The following SYNE1 variants were observed in gnomAD, a reference collection of about 807,000 sequenced individuals.
SYNE1 encodes spectrin repeat containing nuclear envelope protein 1, also known as nesprin-1.
Under a neutral mutation model 1,111.0 loss-of-function variants are expected in SYNE1, and 616 were observed. That is an observed-to-expected ratio of 0.55 (90% CI 0.52 to 0.59). The LOEUF is 0.59. Ranked by LOEUF, SYNE1 falls within the 20% of genes least tolerant of loss-of-function variation. SYNE1 has a pLI of 0.00. For synonymous variants in SYNE1, 3,855 were observed against 3,825.8 expected (o/e 1.01, Z -0.28); for missense variants, 10,006 against 10,417.0 (o/e 0.96, Z 1.72).
chr6:152,590,369 T>TC (rs1222275764), intron 3 of SYNE1, among the ~76,000 whole-genome samples: 1 of 151,792 alleles, frequency 6.6e-6, no homozygotes, highest in Non-Finnish European at 1.5e-5. Context: ...AAATCCATTT[T>TC]TTTTTCTGGA....
intron 45 of SYNE1, among the ~76,000 whole-genome samples, chr6:152,406,543 A>G (rs890788100): frequency 2.0e-5 from 3 of 152,132 alleles, no homozygotes; most frequent in Non-Finnish European, 4.4e-5. Context: ...AAGATAGTTA[A>G]GAGTTCTCTA....
Position 152,404,104 on chromosome 6 carries a change from G to GATAGATAT in SYNE1, c.6825+108_6825+109insATATCTAT, listed in dbSNP as rs1554635405. On this transcript the variant is annotated intron_variant, in intron 46 of 145. Transcript: ENST00000367255. ...ATATATACGAGATATAGATATATGAGATATATATATATACACACACACACA... is the reference window on the plus strand; with the variant it reads ...ATATATACGAGATATAGATATATGAGATAGATATATATATATATATACACACACACACA... 7 of 544,900 alleles carry GATAGATAT rather than the reference G, an allele frequency of 1.3e-5. No homozygotes were observed. In the East Asian group the frequency reaches 1.5e-4, roughly 11 times the overall value. The allele number at this position is 544,900 out of a possible 1,614,324, so 33.8% of individuals were successfully genotyped here.
At chr6:152,486,636 C>T (rs1327584827) in intron 12 of SYNE1, among the ~76,000 whole-genome samples, 1 of 152,174 alleles carries the variant, frequency 6.6e-6, no homozygotes, top group Non-Finnish European at 1.5e-5. Context: ...CTGGCTTAAT[C>T]ATTTTTTAAT....
chr6:152,619,034 T>C (rs1182228561), intron 3 of SYNE1, among the ~76,000 whole-genome samples: 1 of 123,484 alleles, frequency 8.1e-6, no homozygotes, highest in Non-Finnish European at 1.7e-5. Context: ...ACTAGGTATT[T>C]AGGTGTGAGA....
chr6:152,515,814 T>TGTGA (rs2099108702), intron 6 of SYNE1, among the ~76,000 whole-genome samples: 1 of 152,194 alleles, frequency 6.6e-6, no homozygotes, highest in African/African-American at 2.4e-5. Context: ...GATGAATCTG[T>TGTGA]TCACCACAGT....
At chr6:152,512,133 C>G (rs756218772) in intron 6 of SYNE1, among the ~76,000 whole-genome samples, 9 of 152,112 alleles carry the variant, frequency 5.9e-5, no homozygotes, top group Non-Finnish European at 1.2e-4. Context: ...TTCACAAATA[C>G]TTTACTCTTG....
chr6:152,294,507 T>C (rs1246520190), intron 93 of SYNE1, among the ~76,000 whole-genome samples: 2 of 152,220 alleles, frequency 1.3e-5, no homozygotes, highest in African/African-American at 4.8e-5. Flanking sequence ...TGTTGTCGAA[T>C]GTATTCATTA....
chr6:152,580,642 A>G (rs2099516185), intron 3 of SYNE1, among the ~76,000 whole-genome samples: 1 of 152,124 alleles, frequency 6.6e-6, no homozygotes, highest in South Asian at 2.1e-4. Flanking sequence ...TTATAGTTTT[A>G]GATTTTACCT....
Position 152,427,706 on chromosome 6 carries a change from A to G in SYNE1, c.5087T>C (p.Leu1696Pro). The change falls in exon 38 of 146, where the codon CTT (leucine) becomes CCT (proline). Residue 1696 changes from leucine to proline, a missense_variant. Transcript: ENST00000367255. ...CCTTGAACTTGCCTGTATTAACTGA[A>G]GTTCACCTTCCACTTTGACTCTGTC... ...SADRVKVEGE[L>P]QLIQALQNEV... 1 of 1,614,122 alleles carries G rather than the reference A, an allele frequency of 6.2e-7. No individual in the cohort carries two copies. The highest frequency in any genetic ancestry group is 1.1e-5 in the South Asian group (1 of 91,084).
chr6:152,454,066 C>T (rs915240836), intron 24 of SYNE1, among the ~76,000 whole-genome samples: 3 of 152,164 alleles, frequency 2.0e-5, no homozygotes, highest in Non-Finnish European at 4.4e-5. Flanking sequence ...TTGGTGAAGT[C>T]AGAAGAACAG....
intron 42 of SYNE1, among the ~76,000 whole-genome samples, chr6:152,410,991 G>T (rs2098025295): frequency 6.6e-6 from 1 of 152,052 alleles, no homozygotes; most frequent in South Asian, 2.1e-4. Flanking sequence ...TTAATAATAT[G>T]GAATAAAGTT....
In SYNE1 at chr6:152,391,494, C is replaced by A. The variant is rs1252134300; in HGVS notation, c.7787G>T (p.Arg2596Leu). 7 of 1,612,630 alleles carry A rather than the reference C, an allele frequency of 4.3e-6. No homozygotes were observed. The highest frequency in any genetic ancestry group is 5.9e-6 in the Non-Finnish European group (7 of 1,179,830). Residue 2596 changes from arginine (R) to leucine (L), a missense_variant, in exon 52 of 146, where the codon CGC (arginine) becomes CTC (leucine). By Grantham distance (102) the Arg-to-Leu change is moderately radical. This residue lies in a region of SYNE1 where 4,955 missense variants were observed against 5,017.2 expected (regional missense o/e 0.99). Transcript: ENST00000367255. ...EEGHGAGQEG[R>L]LCSQLLTSHQ... ...GCTTGTGAGGAGCTGGGAACACAGG[C>A]GGCCCTCCTGCCCAGCACCGTGGCC...
intron 3 of SYNE1, among the ~76,000 whole-genome samples, chr6:152,610,367 G>A (rs565024669): frequency 3.7e-4 from 57 of 152,112 alleles, no homozygotes; most frequent in Non-Finnish European, 6.9e-4. Flanking sequence ...TTCAATAGCC[G>A]ATTCGATCAA....
At position 152,278,157 on chromosome 6, in the gene SYNE1, G is replaced by T; in HGVS notation, c.18505C>A (p.Leu6169Met). Residue 6169 changes from leucine (L) to methionine (M), a missense_variant, in exon 98 of 146, where the codon CTG becomes ATG. Leu to Met is a conservative substitution (Grantham distance 15). This residue lies in a region of SYNE1 where 2,182 missense variants were observed against 2,287.8 expected (regional missense o/e 0.95). Transcript: ENST00000367255. ...KDEAEQLAGK[L>M]RRLKGSLLEL... is the part of the protein sequence containing the mutation. ...AGCAGGCTCCCCTTGAGCCTTCTCA[G>T]CTTTCCAGCCAGCTGCTCGGCCTCG... 2.5e-6 allele frequency: 4 copies of T among 1,614,110 alleles called. No homozygotes were observed. Among genetic ancestry groups the T allele is most frequent in the Non-Finnish European group, 3.4e-6 (4 of 1,180,038 alleles).
chr6:152,198,280 T>A (rs2074598976), intron 127 of SYNE1, among the ~76,000 whole-genome samples: 1 of 152,196 alleles, frequency 6.6e-6, no homozygotes, highest in African/African-American at 2.4e-5. Context: ...TTACTTCTCC[T>A]CCCTCAGCCT....
intron 56 of SYNE1, among the ~76,000 whole-genome samples, chr6:152,377,797 C>T (rs2154107770): frequency 1.3e-5 from 2 of 151,276 alleles, no homozygotes. Flanking sequence ...TAGTTTCATT[C>T]ATAAAGTCAT....
chr6:152,605,724 G>T lies in SYNE1; in HGVS notation c.67+22541C>A, dbSNP rs775892867. Among the ~76,000 whole-genome samples, 19 of 152,110 alleles carry T rather than the reference G, an allele frequency of 1.2e-4. No homozygotes were observed. In the South Asian group the frequency reaches 2.7e-3, roughly 22 times the overall value. On this transcript the variant is annotated intron_variant, in intron 3 of 145. Transcript: ENST00000367255. Reference sequence around the variant, plus strand: ...CACACATAGCTTTCTGGGCAGAAAGGCTCTTTTTATAGAAACAATTTTACT... The same window carrying T: ...CACACATAGCTTTCTGGGCAGAAAGTCTCTTTTTATAGAAACAATTTTACT...
rs1456993942 is a variant in SYNE1, at chr6:152,413,387, G to A, written c.6195C>T (p.Val2065=). Residue 2065 remains valine, a synonymous_variant, in exon 42 of 146, where the codon GTC becomes GTT. Coordinates refer to ENST00000367255, the MANE Select transcript of SYNE1 (RefSeq NM_182961.4). ...TTAGTCTTTTGGTATCATCCCAGGT[G>A]ACCTCTAAGCGGTTTATCTCCCTGT... is the stretch of plus-strand genomic sequence containing the variant. The part of the protein sequence containing the change: ...EVDREINRLE[V]TWDDTKRLIH... 2 of 1,614,104 alleles carry A rather than the reference G, an allele frequency of 1.2e-6. No homozygotes were observed. The highest frequency in any genetic ancestry group is 1.7e-6 in the Non-Finnish European group (2 of 1,180,020).
chr6:152,542,982 T>C (rs1339471153), intron 3 of SYNE1, among the ~76,000 whole-genome samples: 2 of 152,108 alleles, frequency 1.3e-5, no homozygotes, highest in Non-Finnish European at 2.9e-5. Flanking sequence ...TTAAAAATGT[T>C]AATATAAATT....
Sources: gnomAD v4.1 joint callset for allele counts (sites outside exome capture counted in the v4.1 genomes callset) on GRCh38, gnomAD v4.1.1 for gene constraint, gnomAD v4.1.1 regional missense constraint, MANE v1.5 for transcripts, NCBI Gene and HGNC (gene_info 2026-07-23, HGNC 2026-07-21) for gene names.